Variants in NR2F1-AS1 observed in about 807,000 individuals in gnomAD.
NR2F1-AS1 encodes the protein NR2F1 regulatory antisense RNA 1.
At chr5:93,518,571 C>A (rs1265970418) in intron 4 of NR2F1-AS1, among the ~76,000 whole-genome samples, 12 of 152,026 alleles carry the variant, frequency 7.9e-5, no homozygotes, top group Admixed American at 7.9e-4. Flanking sequence ...CAAGATGATA[C>A]ATTTGCCTTC....
chr5:93,511,063 G>C (rs565363288), intron 4 of NR2F1-AS1, among the ~76,000 whole-genome samples: 1 of 152,212 alleles, frequency 6.6e-6, no homozygotes, highest in South Asian at 2.1e-4. Flanking sequence ...TTAAATTCAT[G>C]TGATGCTTAA....
chr5:93,418,470 T>C (rs574147358), intron 4 of NR2F1-AS1, among the ~76,000 whole-genome samples: 22 of 151,930 alleles, frequency 1.4e-4, no homozygotes, highest in Non-Finnish European at 3.1e-4. Context: ...GCCTGTAGTC[T>C]CAGCTACTTG....
At chr5:93,507,306 C>A (rs1751204530) in intron 4 of NR2F1-AS1, among the ~76,000 whole-genome samples, 1 of 151,582 alleles carries the variant, frequency 6.6e-6, no homozygotes, top group South Asian at 2.1e-4. Context: ...GAAATCCTAA[C>A]CAGTTTTTTG....
At chr5:93,424,930 GT>G (rs1749163969) in intron 4 of NR2F1-AS1, among the ~76,000 whole-genome samples, 2 of 152,180 alleles carry the variant, frequency 1.3e-5, no homozygotes, top group African/African-American at 4.8e-5. Context: ...GTACTAGAAA[GT>G]AGGTCTAAAC....
chr5:93,474,727 T>C (rs1211856802), intron 4 of NR2F1-AS1, among the ~76,000 whole-genome samples: 1 of 152,180 alleles, frequency 6.6e-6, no homozygotes, highest in African/African-American at 2.4e-5. Context: ...ACCCTAATCA[T>C]GACTCTCATG....
chr5:93,424,861 T>C (rs959556165), intron 4 of NR2F1-AS1, among the ~76,000 whole-genome samples: 3 of 152,142 alleles, frequency 2.0e-5, no homozygotes, highest in South Asian at 2.1e-4. Flanking sequence ...ATTCAGGTAG[T>C]GTGAGATGTT....
At chr5:93,527,167 A>G (rs763561172) in intron 4 of NR2F1-AS1, among the ~76,000 whole-genome samples, 67 of 152,244 alleles carry the variant, frequency 4.4e-4, no homozygotes, top group Non-Finnish European at 8.8e-4. Flanking sequence ...TACAAAATCA[A>G]TGTGCAAAAA....
At chr5:93,558,890 C>A (rs2149917739) in intron 2 of NR2F1-AS1, among the ~76,000 whole-genome samples, 1 of 152,282 alleles carries the variant, frequency 6.6e-6, no homozygotes, top group South Asian at 2.1e-4. Context: ...CCTGACTTTG[C>A]TGTTCCGTTT....
At position 93,579,274 on chromosome 5, in the gene NR2F1-AS1, C is replaced by A. The variant is rs762527272; in HGVS notation, n.313+1193G>T. On this transcript the variant is annotated intron_variant and non_coding_transcript_variant, in intron 1 of 5. Coordinates refer to ENST00000660523, the Ensembl canonical transcript of NR2F1-AS1. The surrounding 1 kb of genome is among the most constrained non-coding windows in gnomAD (Gnocchi z 5.1). ...CGCGGGCTTCCGCTGCTCCGGGCAT[C>A]ACCACCAACAGCTTCCCACTCCCAC... Among the ~76,000 whole-genome samples the A allele has an allele frequency of 1.1e-4, 17 of 152,182 alleles. No homozygotes were observed. Among genetic ancestry groups the A allele is most frequent in the Non-Finnish European group, 2.1e-4 (14 of 68,032 alleles).
At chr5:93,410,091 T>A (rs1235844254) in intron 4 of NR2F1-AS1, 1 of 152,210 alleles carries the variant, frequency 6.6e-6, no homozygotes, top group Non-Finnish European at 1.5e-5. Flanking sequence ...GTCTTTACAC[T>A]GGGAAAATCA....
At chr5:93,562,874 T>C (rs752977388) in intron 2 of NR2F1-AS1, among the ~76,000 whole-genome samples, 1 of 152,142 alleles carries the variant, frequency 6.6e-6, no homozygotes, top group Non-Finnish European at 1.5e-5. Context: ...ATAAGCACAA[T>C]GGTCACATAA....
chr5:93,529,373 A>G (rs1347774287), intron 4 of NR2F1-AS1, among the ~76,000 whole-genome samples: 1 of 152,206 alleles, frequency 6.6e-6, no homozygotes, highest in Non-Finnish European at 1.5e-5. Flanking sequence ...ATATAGTAGT[A>G]ACCACCACTG....
At chr5:93,565,880 G>A (rs988650614) in intron 1 of NR2F1-AS1, among the ~76,000 whole-genome samples, 1 of 151,194 alleles carries the variant, frequency 6.6e-6, no homozygotes. Context: ...AAATATAAAA[G>A]TACTACACAA....
chr5:93,473,512 T>C (rs1323872414), intron 4 of NR2F1-AS1, among the ~76,000 whole-genome samples: 1 of 151,818 alleles, frequency 6.6e-6, no homozygotes, highest in Admixed American at 6.6e-5. Context: ...CACTTTTTCC[T>C]ACTCCAAGAT....
At chr5:93,512,759 TAC>T (rs976530337) in intron 4 of NR2F1-AS1, among the ~76,000 whole-genome samples, 2 of 152,192 alleles carry the variant, frequency 1.3e-5, no homozygotes, top group Admixed American at 6.6e-5. Flanking sequence ...TACAAGTGTC[TAC>T]AGTACTAAGC....
intron 4 of NR2F1-AS1, among the ~76,000 whole-genome samples, chr5:93,508,802 C>G (rs536430476): frequency 6.6e-6 from 1 of 152,092 alleles, no homozygotes; most frequent in South Asian, 2.1e-4. Context: ...GGTTGTTCAT[C>G]CTCACTATTA....
At chr5:93,536,990 C>T (rs1751852839) in intron 4 of NR2F1-AS1, among the ~76,000 whole-genome samples, 1 of 152,192 alleles carries the variant, frequency 6.6e-6, no homozygotes. Flanking sequence ...CCAGGTAAGA[C>T]ATGACTTGCT....
intron 4 of NR2F1-AS1, among the ~76,000 whole-genome samples, chr5:93,465,639 A>G (rs375494095): frequency 3.4e-4 from 52 of 151,826 alleles, no homozygotes; most frequent in South Asian, 4.2e-4. Flanking sequence ...TGTTTATTGC[A>G]GCACTATTCA....
intron 1 of NR2F1-AS1, among the ~76,000 whole-genome samples, chr5:93,566,442 A>C (rs906382971): frequency 2.0e-5 from 3 of 152,202 alleles, no homozygotes; most frequent in Middle Eastern, 6.8e-3. Context: ...AATTTTCAGC[A>C]CTACAGAAGA....
Sources: allele counts gnomAD v4.1 joint callset (sites outside exome capture counted in the v4.1 genomes callset), GRCh38; gene constraint gnomAD v4.1.1; non-coding constraint Gnocchi (gnomAD v3.1); transcripts MANE v1.5; gene names NCBI Gene and HGNC (gene_info 2026-07-23, HGNC 2026-07-21).